The following LAMP1 variants were observed in gnomAD, a reference collection of about 807,000 sequenced individuals.
LAMP1 encodes lysosome associated membrane protein 1.
Under a neutral mutation model 37.5 loss-of-function variants are expected in LAMP1, and 7 were observed. That is an observed-to-expected ratio of 0.19 (90% CI 0.11 to 0.35). LAMP1 has a LOEUF of 0.35. Ranked by LOEUF, LAMP1 falls within the 10% of genes least tolerant of loss-of-function variation. The pLI is 1.00. For synonymous variants in LAMP1, 236 were observed against 229.1 expected (o/e 1.03, Z -0.27); for missense variants, 537 against 552.8 (o/e 0.97, Z 0.29).
chr13:113,321,300 C>T lies in LAMP1; in HGVS notation c.877-104C>T. ...AAATGTAGGAAGTCAGGTTTATTAC[C>T]CAATGACCATTCACGTTTGATGATA... is the stretch of plus-strand genomic sequence containing the variant. On this transcript the variant is annotated intron_variant, in intron 6 of 8. Coordinates refer to ENST00000332556, the MANE Select transcript of LAMP1 (RefSeq NM_005561.4). The surrounding 1 kb of genome is among the most constrained non-coding windows in gnomAD (Gnocchi z 5.6). The T allele has an allele frequency of 1.1e-6, 1 of 937,310 alleles. No individual in the cohort carries two copies. The highest frequency in any genetic ancestry group is 1.8e-6 in the Non-Finnish European group (1 of 566,522). The allele number at this position is 937,310 out of a possible 1,614,324, so 58.1% of individuals were successfully genotyped here.
intron 1 of LAMP1, 67 bp from the exon 2 acceptor site, chr13:113,306,418 A>G: frequency 6.5e-7 from 1 of 1,550,222 alleles, no homozygotes; most frequent in Non-Finnish European, 8.8e-7. Flanking sequence ...AGCTGTGGAA[A>G]ATGGAAATAC....
chr13:113,322,427 T>G lies in LAMP1; in HGVS notation c.*6T>G. ...CAGGCTACCAGACTATCTAGCCTGG[T>G]GCACGCAGGCACAGCAGCTGCAGGG... is the stretch of plus-strand genomic sequence containing the variant. On this transcript the variant is annotated 3_prime_UTR_variant, in exon 9 of 9. Coordinates refer to ENST00000332556, the MANE Select transcript of LAMP1 (RefSeq NM_005561.4). The G allele has an allele frequency of 6.2e-7, 1 of 1,604,382 alleles. No individual in the cohort carries two copies. The highest frequency in any genetic ancestry group is 1.1e-5 in the South Asian group (1 of 90,658).
chr13:113,312,756 A>T (rs1004862117), intron 4 of LAMP1, among the ~76,000 whole-genome samples: 1 of 152,164 alleles, frequency 6.6e-6, no homozygotes, highest in Non-Finnish European at 1.5e-5. Context: ...GTCCTCTCAC[A>T]TGGGCCGCGT....
chr13:113,319,428 T>C (rs2042684692), intron 4 of LAMP1, 41 bp from the exon 5 acceptor site: 2 of 1,540,466 alleles, frequency 1.3e-6, no homozygotes, highest in South Asian at 1.2e-5. Context: ...CTGATGGTTA[T>C]GAGAAACCCA....
At chr13:113,309,346 C>G (rs981982973) in intron 2 of LAMP1, among the ~76,000 whole-genome samples, 6 of 152,188 alleles carry the variant, frequency 3.9e-5, no homozygotes, top group Non-Finnish European at 8.8e-5. Flanking sequence ...AGCAATCCCC[C>G]CACCTCAGCC....
intron 2 of LAMP1, among the ~76,000 whole-genome samples, chr13:113,308,324 C>CTTTTTT (rs71101565): frequency 5.0e-4 from 30 of 60,426 alleles, no homozygotes; most frequent in African/African-American, 1.5e-3. Context: ...CCTCCAAGCA[C>CTTTTTT]TTTTTTTTTT....
chr13:113,316,075 C>G (rs1452049837), intron 4 of LAMP1, among the ~76,000 whole-genome samples: 2 of 152,098 alleles, frequency 1.3e-5, no homozygotes, highest in South Asian at 4.1e-4. Flanking sequence ...TGCACTCCAG[C>G]CCAGCTGACA....
At position 113,322,894 on chromosome 13, in the gene LAMP1, G is replaced by T. The variant is rs1159169774; in HGVS notation, c.*473G>T. 1.9e-5 allele frequency: 3 copies of T among 159,048 alleles called. No homozygotes were observed. The highest frequency in any genetic ancestry group is 7.2e-5 in the African/African-American group (3 of 41,400). 9.9% of individuals were successfully genotyped at this position (159,048 alleles called of 1,614,324 possible). A position where few individuals can be genotyped will look rare whatever the true frequency, so the allele number is the denominator to read the frequency against. ...AGGGGTGGGGGTGCCGCTCTAAATT[G>T]GCTCCATATCATTTGAGTTTAGGGT... On this transcript the variant is annotated 3_prime_UTR_variant, in exon 9 of 9. Transcript: ENST00000332556.
At chr13:113,299,917 A>G (rs2042561924) in intron 1 of LAMP1, among the ~76,000 whole-genome samples, 2 of 152,096 alleles carry the variant, frequency 1.3e-5, no homozygotes, top group Non-Finnish European at 2.9e-5. Context: ...AAGATATTTA[A>G]AATGTTTATT....
chr13:113,303,448 C>T (rs1298070115), intron 1 of LAMP1, among the ~76,000 whole-genome samples: 1 of 152,146 alleles, frequency 6.6e-6, no homozygotes, highest in Non-Finnish European at 1.5e-5. Flanking sequence ...GGAGATGCTG[C>T]CAACGGCTGT....
rs183848574 is a variant in LAMP1 at position 113,313,162 on chromosome 13, T to G, written c.562+2295T>G. ...GCGCATGGCATGACCGCTCACTCAC[T>G]CCTGCCTGGAAGTGAAGGGCTGCTA... On this transcript the variant is annotated intron_variant, in intron 4 of 8. Coordinates refer to ENST00000332556, the MANE Select transcript of LAMP1 (RefSeq NM_005561.4). 2.6e-5 allele frequency among the ~76,000 whole-genome samples: 4 copies of G among 152,188 alleles called. No homozygotes were observed. The East Asian group carries it at 7.7e-4, about 29-fold the overall frequency.
chr13:113,314,391 C>A (rs1419851649), intron 4 of LAMP1, among the ~76,000 whole-genome samples: 12 of 99,578 alleles, frequency 1.2e-4, no homozygotes, highest in East Asian at 3.3e-4. Context: ...TGGAGATGCC[C>A]ATGTGCCTGG....
At chr13:113,318,051 G>A (rs2139373652) in intron 4 of LAMP1, among the ~76,000 whole-genome samples, 1 of 152,350 alleles carries the variant, frequency 6.6e-6, no homozygotes, top group Middle Eastern at 3.4e-3. Flanking sequence ...GTGAGCAAGG[G>A]TCCCTGAGCA....
chr13:113,321,300 C>A lies in LAMP1; in HGVS notation c.877-104C>A. 1 of 937,306 alleles carries A rather than the reference C, an allele frequency of 1.1e-6. No individual in the cohort carries two copies. 58.1% of individuals were successfully genotyped at this position (937,306 alleles called of 1,614,324 possible). ...AAATGTAGGAAGTCAGGTTTATTAC[C>A]CAATGACCATTCACGTTTGATGATA... On this transcript the variant is annotated intron_variant, in intron 6 of 8. Coordinates refer to ENST00000332556, the MANE Select transcript of LAMP1 (RefSeq NM_005561.4). This position sits in a 1 kb window ranked among gnomAD's most constrained non-coding sequence, Gnocchi z 5.6.
rs151133886 is a variant in LAMP1, at chr13:113,321,600, G to A, written c.987G>A (p.Gln329=). 5.2e-4 allele frequency: 835 copies of A among 1,614,202 alleles called. 1 individual carries two copies. The Middle Eastern group carries it at 8.9e-3, about 17-fold the overall frequency. Residue 329 remains glutamine, a synonymous_variant, in exon 8 of 9, where the codon CAG becomes CAA. Transcript: ENST00000332556. This position sits in a 1 kb window ranked among gnomAD's most constrained non-coding sequence, Gnocchi z 5.6. ...CCAACGGCTCCCTGCGAGCGCTGCA[G>A]GCCACAGTCGGCAATTCCTACAAGT... ...KAANGSLRAL[Q]ATVGNSYKCN... is the part of the protein sequence containing the mutation.
chr13:113,314,830 C>T (rs1302015999), intron 4 of LAMP1, among the ~76,000 whole-genome samples: 5 of 124,072 alleles, frequency 4.0e-5, no homozygotes, highest in Admixed American at 1.6e-4. Context: ...GCCCATGTGC[C>T]TGGGGCGTGG....
chr13:113,319,787 C>T (rs1359474653), intron 5 of LAMP1, 131 bp downstream of exon 5: 9 of 852,808 alleles, frequency 1.1e-5, no homozygotes, highest in Admixed American at 2.7e-5. Context: ...GCTTGCAGGA[C>T]GTGACCCTAG....
chr13:113,318,637 G>A (rs1489354768), intron 4 of LAMP1, among the ~76,000 whole-genome samples: 1 of 152,062 alleles, frequency 6.6e-6, no homozygotes, highest in African/African-American at 2.4e-5. Context: ...ATTGCTGAAG[G>A]ACAGAGTCAC....
chr13:113,309,750 A>G lies in LAMP1; in HGVS notation c.291A>G (p.Gly97=), dbSNP rs1467395037. Residue 97 remains glycine (G), a synonymous_variant, in exon 3 of 9, where the codon GGA becomes GGG. Transcript: ENST00000332556. Reference sequence around the variant, plus strand: ...GTCTCGTGATTGCTTTTGGAAGAGGACATACACTCACTCTCAATTTCACGA... The same window carrying G: ...GTCTCGTGATTGCTTTTGGAAGAGGGCATACACTCACTCTCAATTTCACGA... ...DPSLVIAFGR[G]HTLTLNFTRN... 1 of 1,614,118 alleles carries G rather than the reference A, an allele frequency of 6.2e-7. No individual in the cohort carries two copies. Among genetic ancestry groups the G allele is most frequent in the South Asian group, 1.1e-5 (1 of 91,086 alleles).
Sources: allele counts gnomAD v4.1 joint callset (sites outside exome capture counted in the v4.1 genomes callset), GRCh38; gene constraint gnomAD v4.1.1; non-coding constraint Gnocchi (gnomAD v3.1); transcripts MANE v1.5; gene names NCBI Gene and HGNC (gene_info 2026-07-23, HGNC 2026-07-21).